Variants in PFKFB3 observed in about 807,000 individuals in gnomAD.
PFKFB3 encodes 6-phosphofructo-2-kinase/fructose-2,6-bisphosphatase 3.
In PFKFB3, 33 loss-of-function variants were observed where a neutral mutation model predicts 68.0. The observed-to-expected ratio is 0.49, with a 90% CI of 0.37 to 0.65. The LOEUF (loss-of-function observed/expected upper bound fraction) is 0.65, where lower values mean the gene tolerates loss of function less well. Among genes scored for constraint, PFKFB3 ranks in the 30% least tolerant of loss-of-function variants. The pLI, the probability that PFKFB3 is intolerant of heterozygous loss-of-function variation, is 0.00. For synonymous variants in PFKFB3, 315 were observed against 288.2 expected (o/e 1.09, Z -0.94); for missense variants, 586 against 712.2 (o/e 0.82, Z 2.02).
chr10:6,203,413 C>G (rs1843469320), intron 1 of PFKFB3, 77 bp downstream of exon 1: 3 of 1,114,414 alleles, frequency 2.7e-6, no homozygotes, highest in South Asian at 1.7e-5. Context: ...GGCTTTGTGC[C>G]GACGCCCCTC....
chr10:6,166,661 G>A (rs1262715011), intron 1 of PFKFB3, among the ~76,000 whole-genome samples: 1 of 152,068 alleles, frequency 6.6e-6, no homozygotes, highest in Non-Finnish European at 1.5e-5. Context: ...ACCGCAAGTC[G>A]GATCTTGAGT....
the PFKFB3 span, among the ~76,000 whole-genome samples, chr10:6,308,581 C>T: frequency 7.9e-5 from 12 of 152,076 alleles, no homozygotes; most frequent in Admixed American, 1.3e-4. Context: ...TTAAGACCAC[C>T]AAGTGCATTT....
At chr10:6,226,154 A>C in intron 13 of PFKFB3, 38 bp from the exon 14 acceptor site, 1 of 1,513,196 alleles carries the variant, frequency 6.6e-7, no homozygotes, top group East Asian at 2.4e-5. Flanking sequence ...CTTCTTTGTA[A>C]CTGTCGCCTT....
At chr10:6,182,467 C>T (rs1228173053) in intron 1 of PFKFB3, among the ~76,000 whole-genome samples, 1 of 152,120 alleles carries the variant, frequency 6.6e-6, no homozygotes, top group Admixed American at 6.5e-5. Flanking sequence ...ATCCTAGGGC[C>T]GAGCTGGCTG....
intron 1 of PFKFB3, among the ~76,000 whole-genome samples, chr10:6,183,601 CAAAA>C (rs773888395): frequency 7.1e-4 from 91 of 127,826 alleles, no homozygotes; most frequent in East Asian, 5.1e-3. Context: ...CCAGCCTGGT[CAAAA>C]AAAAAAAAAA....
the PFKFB3 span, among the ~76,000 whole-genome samples, chr10:6,323,258 G>A: frequency 6.6e-6 from 1 of 152,206 alleles, no homozygotes; most frequent in Admixed American, 6.5e-5. Flanking sequence ...CTGCAAACTG[G>A]AGAATCAGCA....
the PFKFB3 span, among the ~76,000 whole-genome samples, chr10:6,289,608 C>G: frequency 1.3e-5 from 2 of 150,786 alleles, no homozygotes; most frequent in Non-Finnish European, 3.0e-5. Context: ...GTTACTGTAG[C>G]CTTGTAGTAT....
chr10:6,160,912 G>A (rs1053374973), intron 1 of PFKFB3, among the ~76,000 whole-genome samples: 1 of 151,788 alleles, frequency 6.6e-6, no homozygotes, highest in Non-Finnish European at 1.5e-5. Flanking sequence ...GATGCATTTG[G>A]CCTTTTTTTA....
chr10:6,293,001 C>G, the PFKFB3 span: 1 of 268,670 alleles, frequency 3.7e-6, no homozygotes, highest in Non-Finnish European at 7.4e-6. Context: ...AGCGTATGCT[C>G]AATTGCTGGC....
chr10:6,186,267 G>C (rs769853126), intron 1 of PFKFB3, among the ~76,000 whole-genome samples: 5 of 152,148 alleles, frequency 3.3e-5, no homozygotes, highest in Non-Finnish European at 5.9e-5. Context: ...ACCAGCAGTG[G>C]CTTAACTCCA....
intron 1 of PFKFB3, among the ~76,000 whole-genome samples, chr10:6,204,576 C>G (rs1235023630): frequency 6.6e-6 from 1 of 152,214 alleles, no homozygotes; most frequent in Non-Finnish European, 1.5e-5. Flanking sequence ...TGGTGGACTT[C>G]AGGGTTCTGG....
At position 6,231,526 on chromosome 10, in the gene PFKFB3, C is replaced by G. The variant is rs556626409; in HGVS notation, c.1516-1369C>G. On this transcript the variant is annotated intron_variant, in intron 14 of 14. Coordinates refer to ENST00000379775, the MANE Select transcript of PFKFB3 (RefSeq NM_004566.4). Reference sequence around the variant, plus strand: ...CTGGGTGAAGGACGTGGACATCACCCGGTCTTGCAGGCTCTCCACTGTTAT... The same window carrying G: ...CTGGGTGAAGGACGTGGACATCACCGGGTCTTGCAGGCTCTCCACTGTTAT... The G allele has an allele frequency of 1.5e-5, 15 of 985,372 alleles. No homozygotes were observed. The African/African-American group carries it at 2.3e-4, about 15-fold the overall frequency. 61.0% of individuals were successfully genotyped at this position (985,372 alleles called of 1,614,324 possible). A position where few individuals can be genotyped will look rare whatever the true frequency, so the allele number is the denominator to read the frequency against.
chr10:6,287,817 T>C, the PFKFB3 span, among the ~76,000 whole-genome samples: 1 of 152,180 alleles, frequency 6.6e-6, no homozygotes, highest in East Asian at 1.9e-4. Flanking sequence ...GTTAGATCAA[T>C]TAAGAATAAG....
chr10:6,233,043 G>T lies in PFKFB3; in HGVS notation c.*101G>T. ...GTATCCTGAGGACTTCTTCCGGAGAGGGTGGGGTGGAGCAGCGGGGGAGCC... is the reference window on the plus strand; with the variant it reads ...GTATCCTGAGGACTTCTTCCGGAGATGGTGGGGTGGAGCAGCGGGGGAGCC... On this transcript the variant is annotated 3_prime_UTR_variant, in exon 15 of 15. Transcript: ENST00000379775. 1 of 923,588 alleles carries T rather than the reference G, an allele frequency of 1.1e-6. No homozygotes were observed. The highest frequency in any genetic ancestry group is 1.3e-5 in the South Asian group (1 of 75,180). 57.2% of individuals were successfully genotyped at this position (923,588 alleles called of 1,614,324 possible). A position where few individuals can be genotyped will look rare whatever the true frequency, so the allele number is the denominator to read the frequency against.
At chr10:6,182,953 C>T (rs768234990) in intron 1 of PFKFB3, among the ~76,000 whole-genome samples, 15 of 152,186 alleles carry the variant, frequency 9.9e-5, no homozygotes, top group Non-Finnish European at 1.9e-4. Context: ...ACCCACCTGT[C>T]GCCACAGGTT....
chr10:6,213,161 G>T (rs925165996), intron 1 of PFKFB3, among the ~76,000 whole-genome samples: 20 of 152,146 alleles, frequency 1.3e-4, no homozygotes, highest in African/African-American at 4.8e-4. Flanking sequence ...GGGTGTGGCT[G>T]GGGGGCTGTG....
chr10:6,207,133 C>G (rs368833474), intron 1 of PFKFB3, among the ~76,000 whole-genome samples: 1 of 151,842 alleles, frequency 6.6e-6, no homozygotes. Context: ...GCCACTGCAC[C>G]CCAGCCTGGG....
chr10:6,255,947 C>T (rs1846489327), downstream of PFKFB3, among the ~76,000 whole-genome samples: 1 of 152,154 alleles, frequency 6.6e-6, no homozygotes, highest in African/African-American at 2.4e-5. Flanking sequence ...CCTGGGCTCG[C>T]CGTGGTTCTA....
the PFKFB3 span, among the ~76,000 whole-genome samples, chr10:6,290,602 G>T: frequency 1.3e-5 from 2 of 150,292 alleles, no homozygotes; most frequent in Non-Finnish European, 3.0e-5. Context: ...GGGTACAAAT[G>T]ATTCTTGTGC....
Sources: gnomAD v4.1 joint callset for allele counts (sites outside exome capture counted in the v4.1 genomes callset) on GRCh38, gnomAD v4.1.1 for gene constraint, MANE v1.5 for transcripts, NCBI Gene and HGNC (gene_info 2026-07-23, HGNC 2026-07-21) for gene names.